NEGR1: variants seen among roughly 807,000 people sequenced by gnomAD.
NEGR1 encodes neuronal growth regulator 1, also known as IgLON family member 4.
In NEGR1, 10 loss-of-function variants were observed where a neutral mutation model predicts 40.9. That is an observed-to-expected ratio of 0.24 (90% CI 0.15 to 0.42). The LOEUF (loss-of-function observed/expected upper bound fraction) is 0.42, where lower values mean the gene tolerates loss of function less well. Among genes scored for constraint, NEGR1 ranks in the 10% least tolerant of loss-of-function variants. The pLI is 1.00. For missense variants in NEGR1, 352 were observed against 438.9 expected (o/e 0.80, Z 1.77); for synonymous variants, 185 against 166.8 (o/e 1.11, Z -0.84).
intron 2 of NEGR1, among the ~76,000 whole-genome samples, chr1:71,840,675 C>A (rs1451090552): frequency 1.3e-5 from 2 of 152,078 alleles, no homozygotes; most frequent in Admixed American, 1.3e-4. Flanking sequence ...ACTTGGAATG[C>A]TATAAATAGT....
chr1:71,593,339 T>C (rs1649571019), intron 5 of NEGR1, among the ~76,000 whole-genome samples: 2 of 152,172 alleles, frequency 1.3e-5, no homozygotes, highest in African/African-American at 2.4e-5. Flanking sequence ...CCACGGAAAG[T>C]ACAAACTGAT....
At chr1:72,236,283 G>A (rs898568306) in intron 1 of NEGR1, among the ~76,000 whole-genome samples, 2 of 151,954 alleles carry the variant, frequency 1.3e-5, no homozygotes, top group African/African-American at 2.4e-5. Flanking sequence ...GGACTTTTGA[G>A]GGGTGGGGAG....
chr1:71,910,755 C>T (rs618293), intron 2 of NEGR1, among the ~76,000 whole-genome samples: 51,693 of 151,866 alleles, frequency 0.34, 9,352 homozygotes, highest in East Asian at 0.6. Flanking sequence ...TGGAGTGCAG[C>T]GGGACAATCT....
At chr1:72,064,386 C>T (rs927938091) in intron 1 of NEGR1, among the ~76,000 whole-genome samples, 2 of 152,014 alleles carry the variant, frequency 1.3e-5, no homozygotes, top group Non-Finnish European at 2.9e-5. Context: ...TCCTTTACCT[C>T]TGCAGCTTTG....
chr1:71,569,981 T>C (rs1296500692), intron 6 of NEGR1, among the ~76,000 whole-genome samples: 3 of 88,454 alleles, frequency 3.4e-5, no homozygotes, highest in Non-Finnish European at 8.1e-5. Flanking sequence ...AACAAGGTTC[T>C]AGCTTCATTT....
chr1:72,039,272 A>T (rs767538024), intron 1 of NEGR1, among the ~76,000 whole-genome samples: 30 of 152,032 alleles, frequency 2.0e-4, no homozygotes, highest in East Asian at 1.9e-4. Context: ...TCCTGTAAGC[A>T]CTGGGAAGCC....
chr1:71,690,638 AGAGAGAGAGAG>A (rs1181743016), intron 4 of NEGR1, among the ~76,000 whole-genome samples: 3 of 147,662 alleles, frequency 2.0e-5, no homozygotes, highest in African/African-American at 7.4e-5. Context: ...AGAGAGAGAG[AGAGAGAGAGAG>A]AGAGAGAGAG....
At chr1:72,064,818 C>A (rs1364300338) in intron 1 of NEGR1, among the ~76,000 whole-genome samples, 2 of 151,916 alleles carry the variant, frequency 1.3e-5, no homozygotes, top group Non-Finnish European at 2.9e-5. Flanking sequence ...CTACAGCAAA[C>A]CTTGAGATAG....
intron 2 of NEGR1, among the ~76,000 whole-genome samples, chr1:71,811,007 T>G (rs116430226): frequency 0.037 from 5,661 of 152,270 alleles, 146 homozygotes; most frequent in Middle Eastern, 0.092. Context: ...ATAAAACAGG[T>G]ATTCTTGAAA....
At chr1:71,567,720 C>G (rs769256725) in intron 6 of NEGR1, among the ~76,000 whole-genome samples, 1 of 152,108 alleles carries the variant, frequency 6.6e-6, no homozygotes, top group Non-Finnish European at 1.5e-5. Context: ...TTGTGTCCCC[C>G]CTCCGCCTCA....
In NEGR1 at chr1:71,790,697, A is replaced by G. The variant is rs868661865; in HGVS notation, c.410-14400T>C. Among the ~76,000 whole-genome samples, 3 of 152,248 alleles carry G rather than the reference A, an allele frequency of 2.0e-5. No individual in the cohort carries two copies. In the South Asian group the frequency reaches 6.2e-4, roughly 32 times the overall value. On this transcript the variant is annotated intron_variant, in intron 2 of 6. Transcript: ENST00000357731. ...ATGAGAATACAAGCTCCCTGTCATC[A>G]CATGGTTTCCAGAGACTATGGAAGA...
At chr1:71,507,265 A>T (rs1647041844) in intron 6 of NEGR1, among the ~76,000 whole-genome samples, 1 of 152,244 alleles carries the variant, frequency 6.6e-6, no homozygotes, top group Admixed American at 6.5e-5. Flanking sequence ...AAGTAGTATT[A>T]AGGTGCAGTT....
intron 6 of NEGR1, among the ~76,000 whole-genome samples, chr1:71,532,783 T>C (rs1337368267): frequency 6.6e-6 from 1 of 151,510 alleles, no homozygotes; most frequent in East Asian, 2.0e-4. Context: ...ATAATCAACT[T>C]GGTTTATTTC....
At chr1:71,674,662 G>A (rs1652554023) in intron 4 of NEGR1, among the ~76,000 whole-genome samples, 1 of 151,366 alleles carries the variant, frequency 6.6e-6, no homozygotes, top group Non-Finnish European at 1.5e-5. Flanking sequence ...AATGTGTGAT[G>A]TTCCGGTTAG....
chr1:71,912,004 G>T (rs574343351), intron 2 of NEGR1, among the ~76,000 whole-genome samples: 1 of 152,138 alleles, frequency 6.6e-6, no homozygotes, highest in Admixed American at 6.6e-5. Context: ...GTACCCTGGT[G>T]TCTGGCAGGT....
chr1:72,115,717 G>C (rs1195640413), intron 1 of NEGR1, among the ~76,000 whole-genome samples: 1 of 151,670 alleles, frequency 6.6e-6, no homozygotes, highest in African/African-American at 2.4e-5. Flanking sequence ...AAGTACCCTG[G>C]TGACAATACA....
chr1:71,429,130 T>C (rs968598840), intron 6 of NEGR1, among the ~76,000 whole-genome samples: 4 of 152,166 alleles, frequency 2.6e-5, no homozygotes, highest in Admixed American at 6.5e-5. Flanking sequence ...TTTTTAATTT[T>C]TTTTTCATAA....
At chr1:71,956,296 GA>G (rs1408073358) in intron 1 of NEGR1, among the ~76,000 whole-genome samples, 1 of 151,994 alleles carries the variant, frequency 6.6e-6, no homozygotes, top group Non-Finnish European at 1.5e-5. Context: ...ATTAATAGTT[GA>G]ATAAATTATC....
intron 6 of NEGR1, among the ~76,000 whole-genome samples, chr1:71,591,934 T>G (rs1203497850): frequency 8.5e-5 from 13 of 152,070 alleles, no homozygotes; most frequent in Non-Finnish European, 1.5e-5. Context: ...CAGAGATAGC[T>G]TACTATAACA....
Sources: gnomAD v4.1 joint callset for allele counts (sites outside exome capture counted in the v4.1 genomes callset) on GRCh38, gnomAD v4.1.1 for gene constraint, MANE v1.5 for transcripts, NCBI Gene and HGNC (gene_info 2026-07-23, HGNC 2026-07-21) for gene names.